The following TRPC7 variants were observed in gnomAD, a reference collection of about 807,000 sequenced individuals.
The protein encoded by TRPC7 is transient receptor potential cation channel subfamily C member 7.
TRPC7 carries 42 observed loss-of-function variants against 90.1 expected under a neutral mutation model. The ratio of observed to expected loss-of-function variants is 0.47; its 90% CI spans 0.36 to 0.60. The LOEUF is 0.60. Among genes scored for constraint, TRPC7 ranks in the 20% least tolerant of loss-of-function variants. The pLI is 0.00. For missense variants in TRPC7, 955 were observed against 1,112.3 expected (o/e 0.86, Z 2.01); for synonymous variants, 451 against 436.3 (o/e 1.03, Z -0.42).
intron 3 of TRPC7, among the ~76,000 whole-genome samples, chr5:136,279,912 G>C (rs544463661): frequency 5.3e-5 from 8 of 152,214 alleles, no homozygotes; most frequent in African/African-American, 1.9e-4. Context: ...TTCCCCTTTG[G>C]GAGGCCAAGG....
chr5:136,317,042 AG>A (rs1465466396), intron 2 of TRPC7, among the ~76,000 whole-genome samples: 1 of 152,206 alleles, frequency 6.6e-6, no homozygotes, highest in Admixed American at 6.5e-5. Flanking sequence ...TTAGAGAAAG[AG>A]GTAAGTAACT....
chr5:136,360,491 T>C (rs1347339744), intron 1 of TRPC7, among the ~76,000 whole-genome samples: 1 of 152,166 alleles, frequency 6.6e-6, no homozygotes, highest in Non-Finnish European at 1.5e-5. Context: ...AATATGTGTA[T>C]AGCTAGTACT....
At chr5:136,353,311 C>A (rs1015758027) in intron 2 of TRPC7, among the ~76,000 whole-genome samples, 3 of 152,176 alleles carry the variant, frequency 2.0e-5, no homozygotes, top group African/African-American at 2.4e-5. Context: ...AAAACTAAAT[C>A]CAGGCTTTTC....
chr5:136,333,001 A>G (rs1304243119), intron 2 of TRPC7, among the ~76,000 whole-genome samples: 8 of 152,172 alleles, frequency 5.3e-5, no homozygotes, highest in Admixed American at 4.6e-4. Context: ...GGTGGCCACT[A>G]CTTATACATC....
At position 136,252,084 on chromosome 5, in the gene TRPC7, G is replaced by C. The variant is rs150437335; in HGVS notation, c.1346-202C>G. On this transcript the variant is annotated intron_variant, in intron 5 of 11. Coordinates refer to ENST00000513104, the MANE Select transcript of TRPC7 (RefSeq NM_020389.3). ...CTCAGAGACTTGGCCTTGTGCTTAC[G>C]AACACACTGTCTCTGCAAGTGAGGA... Among the ~76,000 whole-genome samples, 919 of 152,300 alleles carry C rather than the reference G, an allele frequency of 6.0e-3. 9 individuals carry two copies. The highest frequency in any genetic ancestry group is 0.02 in the African/African-American group (852 of 41,564).
At chr5:136,345,533 G>C (rs1759978850) in intron 2 of TRPC7, among the ~76,000 whole-genome samples, 1 of 152,134 alleles carries the variant, frequency 6.6e-6, no homozygotes, top group South Asian at 2.1e-4. Context: ...TGCACTCCAG[G>C]CTGGGTGACA....
chr5:136,359,797 G>A (rs1316399400), intron 1 of TRPC7, among the ~76,000 whole-genome samples: 5 of 145,378 alleles, frequency 3.4e-5, no homozygotes, highest in Non-Finnish European at 7.7e-5. Flanking sequence ...CACACACACA[G>A]GTAGAAGATG....
chr5:136,330,515 C>A (rs1759467345), intron 2 of TRPC7, among the ~76,000 whole-genome samples: 1 of 152,234 alleles, frequency 6.6e-6, no homozygotes, highest in Non-Finnish European at 1.5e-5. Context: ...ACACTGACTG[C>A]CCTTGTAGTG....
intron 1 of TRPC7, among the ~76,000 whole-genome samples, chr5:136,359,197 T>C (rs948645325): frequency 3.9e-5 from 6 of 152,220 alleles, no homozygotes; most frequent in Non-Finnish European, 8.8e-5. Flanking sequence ...TTTTAGCTCC[T>C]TGGGGGCCGT....
At chr5:136,290,243 A>C (rs1319364191) in intron 3 of TRPC7, among the ~76,000 whole-genome samples, 1 of 152,210 alleles carries the variant, frequency 6.6e-6, no homozygotes, top group Non-Finnish European at 1.5e-5. Flanking sequence ...GCCTCTCCTC[A>C]TCCAAAGGAA....
intron 5 of TRPC7, among the ~76,000 whole-genome samples, chr5:136,255,996 T>C (rs1756675567): frequency 6.6e-6 from 1 of 152,212 alleles, no homozygotes; most frequent in Non-Finnish European, 1.5e-5. Flanking sequence ...TTACGACTAC[T>C]CAGACCTGGG....
At chr5:136,304,000 G>A (rs1758507556) in intron 3 of TRPC7, 1 of 151,760 alleles carries the variant, frequency 6.6e-6, no homozygotes, top group South Asian at 2.1e-4. Context: ...CCCCAACTCT[G>A]GTGCCAACTT....
At chr5:136,334,219 T>TCAGATGACTCATGACTCATC (rs550168241) in intron 2 of TRPC7, among the ~76,000 whole-genome samples, 146 of 152,324 alleles carry the variant, frequency 9.6e-4, no homozygotes, top group African/African-American at 3.4e-3. Flanking sequence ...CTCATCTGAT[T>TCAGATGACTCATGACTCATC]ATGGATTCAG....
In TRPC7 at chr5:136,360,284, TACAAAACAAAACAAA is replaced by T. The variant is rs138394162; in HGVS notation, c.3-2914_3-2900del. Among the ~76,000 whole-genome samples, 13 of 151,472 alleles carry T rather than the reference TACAAAACAAAACAAA, an allele frequency of 8.6e-5. No individual in the cohort carries two copies. In the South Asian group the frequency reaches 2.3e-3, roughly 27 times the overall value. The stretch of plus-strand genomic sequence containing the variant: ...AGCATTGTTTGTTAATTCCACTCAT[TACAAAACAAAACAAA>T]ACAAAACAAAACATAAAAAGCAAAG... On this transcript the variant is annotated intron_variant, in intron 1 of 11. Coordinates refer to ENST00000513104, the MANE Select transcript of TRPC7 (RefSeq NM_020389.3).
chr5:136,323,247 C>A (rs1157394133), intron 2 of TRPC7, among the ~76,000 whole-genome samples: 2 of 152,242 alleles, frequency 1.3e-5, no homozygotes, highest in Non-Finnish European at 2.9e-5. Flanking sequence ...GGGGCCTCCC[C>A]AGCCATGTGG....
At chr5:136,254,883 T>A (rs1756642442) in intron 5 of TRPC7, among the ~76,000 whole-genome samples, 1 of 152,212 alleles carries the variant, frequency 6.6e-6, no homozygotes, top group Admixed American at 6.5e-5. Context: ...GGTCAGAATA[T>A]CAACATTAAA....
chr5:136,347,933 C>A (rs1474840252), intron 2 of TRPC7, among the ~76,000 whole-genome samples: 1 of 152,214 alleles, frequency 6.6e-6, no homozygotes, highest in African/African-American at 2.4e-5. Flanking sequence ...CAGCCAGGAG[C>A]CAGTCACCTG....
chr5:136,322,966 T>C (rs1369898711), intron 2 of TRPC7, among the ~76,000 whole-genome samples: 2 of 152,212 alleles, frequency 1.3e-5, no homozygotes, highest in African/African-American at 4.8e-5. Flanking sequence ...AGAGCAAACA[T>C]TTTTAATTCT....
intron 4 of TRPC7, among the ~76,000 whole-genome samples, chr5:136,270,624 G>GTT (rs1278454208): frequency 6.6e-6 from 1 of 152,230 alleles, no homozygotes; most frequent in African/African-American, 2.4e-5. Context: ...AAAACAAGCT[G>GTT]TAAGAGTTGG....
Sources: allele counts gnomAD v4.1 joint callset (sites outside exome capture counted in the v4.1 genomes callset), GRCh38; gene constraint gnomAD v4.1.1; transcripts MANE v1.5; gene names NCBI Gene and HGNC (gene_info 2026-07-23, HGNC 2026-07-21).